SAMD7: variants seen among roughly 807,000 people sequenced by gnomAD.
SAMD7 encodes sterile alpha motif domain containing 7, also known as sterile alpha motif domain-containing protein 7.
Under a neutral mutation model 36.7 loss-of-function variants are expected in SAMD7, and 34 were observed. That is an observed-to-expected ratio of 0.93 (90% CI 0.71 to 1.23). The LOEUF is 1.23. Among genes scored for constraint, SAMD7 ranks in the 50% most tolerant of loss-of-function variants. The probability of loss-of-function intolerance (pLI) is 0.00; values close to 1 mark genes in which losing one functional copy is unlikely to be tolerated. For missense variants in SAMD7, 570 were observed against 546.6 expected, an observed-to-expected ratio of 1.04 and a Z score of -0.43; for synonymous variants, 188 against 189.7, an observed-to-expected ratio of 0.99 and a Z score of 0.07.
rs970928198 is a variant in SAMD7, at chr3:169,919,416, A to G, written c.-41-42A>G. The G allele has an allele frequency of 3.8e-6, 4 of 1,054,628 alleles. No homozygotes were observed. The African/African-American group carries it at 4.7e-5, about 12-fold the overall frequency. 65.3% of individuals were successfully genotyped at this position (1,054,628 alleles called of 1,614,324 possible). A position where few individuals can be genotyped will look rare whatever the true frequency, so the allele number is the denominator to read the frequency against. Reference sequence around the variant, plus strand: ...AAGAAGAATTCAAATAGTTCACAAAAAGTAGAGTTATTTGTTAAAGTGTCT... The same window carrying G: ...AAGAAGAATTCAAATAGTTCACAAAGAGTAGAGTTATTTGTTAAAGTGTCT... On this transcript the variant is annotated intron_variant, in intron 2 of 8. Transcript: ENST00000335556.
At chr3:169,930,622 C>G (rs1229699503) in intron 7 of SAMD7, among the ~76,000 whole-genome samples, 1 of 146,116 alleles carries the variant, frequency 6.8e-6, no homozygotes, top group African/African-American at 2.6e-5. Flanking sequence ...TGCTCTGTCG[C>G]CCAGGCTGGA....
intron 7 of SAMD7, chr3:169,932,667 T>C: frequency 1.8e-6 from 1 of 555,472 alleles, no homozygotes; most frequent in South Asian, 1.4e-5. Flanking sequence ...GAAAAATCTG[T>C]CACACTTTGG....
chr3:169,925,227 A>C, intron 5 of SAMD7, 91 bp downstream of exon 5: 1 of 765,870 alleles, frequency 1.3e-6, no homozygotes, highest in Middle Eastern at 3.4e-4. Context: ...GAATAGATGA[A>C]TATATATAAC....
intron 3 of SAMD7, 112 bp downstream of exon 3, chr3:169,919,696 C>T: frequency 1.1e-6 from 1 of 896,698 alleles, no homozygotes; most frequent in Non-Finnish European, 1.8e-6. Context: ...TTTCAGTGAA[C>T]TGTGGTGCAG....
intron 7 of SAMD7, among the ~76,000 whole-genome samples, chr3:169,936,040 C>G (rs1713701718): frequency 6.6e-6 from 1 of 152,180 alleles, no homozygotes; most frequent in South Asian, 2.1e-4. Flanking sequence ...ATGCCAGCCT[C>G]TGTATTAGGG....
At chr3:169,933,076 C>A in intron 7 of SAMD7, 1 of 904,512 alleles carries the variant, frequency 1.1e-6, no homozygotes, top group Non-Finnish European at 1.8e-6. Context: ...TTAAAATCTG[C>A]CATGGCCCAT....
At chr3:169,935,384 T>G (rs888413062) in intron 7 of SAMD7, among the ~76,000 whole-genome samples, 1 of 152,204 alleles carries the variant, frequency 6.6e-6, no homozygotes, top group Non-Finnish European at 1.5e-5. Flanking sequence ...AGATCGTCTT[T>G]AAATGGTGGA....
intron 5 of SAMD7, among the ~76,000 whole-genome samples, chr3:169,925,838 ATTGGC>A (rs1713235625): frequency 6.6e-6 from 1 of 152,192 alleles, no homozygotes. Context: ...TGAAATTCAT[ATTGGC>A]ATTACTGTCT....
At chr3:169,923,518 C>A (rs1472497724) in intron 4 of SAMD7, among the ~76,000 whole-genome samples, 1 of 152,126 alleles carries the variant, frequency 6.6e-6, no homozygotes, top group Admixed American at 6.5e-5. Flanking sequence ...CAAAGGCGGG[C>A]AGATCACGAG....
At chr3:169,938,285 GA>G (rs1713793576) in intron 8 of SAMD7, 32 bp from the exon 9 acceptor site, 10 of 1,451,896 alleles carry the variant, frequency 6.9e-6, no homozygotes, top group Non-Finnish European at 9.5e-6. Context: ...AAAATTCATA[GA>G]ATTGATTACT....
Position 169,934,016 on chromosome 3 carries a change from G to A in SAMD7, c.1042-2323G>A, listed in dbSNP as rs376715721. Among the ~76,000 whole-genome samples, 107 of 152,288 alleles carry A rather than the reference G, an allele frequency of 7.0e-4. 2 individuals carry two copies. The South Asian group carries it at 0.022, about 31-fold the overall frequency. ...AGCCAGAGAAAACTTTAATATGGTT[G>A]GGACTTTGAGAGTAGTTCCCAGTGC... On this transcript the variant is annotated intron_variant, in intron 7 of 8. Coordinates refer to ENST00000335556, the MANE Select transcript of SAMD7 (RefSeq NM_001304366.2).
At chr3:169,936,204 A>G in intron 7 of SAMD7, 135 bp from the exon 8 acceptor site, 1 of 604,056 alleles carries the variant, frequency 1.7e-6, no homozygotes. Context: ...AGCAACTAAA[A>G]AAAGGTTTTA....
chr3:169,924,970 G>A (rs892951626), intron 4 of SAMD7, 88 bp from the exon 5 acceptor site: 18 of 760,470 alleles, frequency 2.4e-5, no homozygotes, highest in Admixed American at 1.5e-4. Context: ...TTCAGATACT[G>A]TTTTACATTG....
Position 169,919,634 on chromosome 3 carries a change from A to G in SAMD7, c.86+50A>G, listed in dbSNP as rs1392387446. On this transcript the variant is annotated intron_variant, in intron 3 of 8. Transcript: ENST00000335556. ...TGATCAAAGAACAACATGGACAATCATTACGTTTTGGAATGATGTTAAGTC... is the reference window on the plus strand; with the variant it reads ...TGATCAAAGAACAACATGGACAATCGTTACGTTTTGGAATGATGTTAAGTC... The G allele has an allele frequency of 2.2e-6, 3 of 1,372,560 alleles. No individual in the cohort carries two copies. In the African/African-American group the frequency reaches 4.3e-5, roughly 20 times the overall value. 85.0% of individuals were successfully genotyped at this position (1,372,560 alleles called of 1,614,324 possible). A position where few individuals can be genotyped will look rare whatever the true frequency, so the allele number is the denominator to read the frequency against.
At chr3:169,934,048 G>A (rs1713619834) in intron 7 of SAMD7, among the ~76,000 whole-genome samples, 1 of 152,210 alleles carries the variant, frequency 6.6e-6, no homozygotes, top group African/African-American at 2.4e-5. Flanking sequence ...GTGCTACAGA[G>A]GGCCAGGGCC....
Position 169,921,232 on chromosome 3 carries a change from C to A in SAMD7, c.105C>A (p.Thr35=), listed in dbSNP as rs370713332. The A allele has an allele frequency of 1.9e-6, 3 of 1,613,862 alleles. No individual in the cohort carries two copies. Among genetic ancestry groups the A allele is most frequent in the Non-Finnish European group, 2.5e-6 (3 of 1,179,804 alleles). ...PTVDRDVLPS[T]VAPTDPRQFC... is the part of the protein sequence containing the mutation. ...TTCTCAGAGATGTATTGCCTTCCAC[C>A]GTAGCTCCAACTGACCCAAGACAGT... The change falls in exon 4 of 9, where the codon ACC becomes ACA. Residue 35 remains threonine, a synonymous_variant. Transcript: ENST00000335556.
At chr3:169,937,050 A>G (rs1356329928) in intron 8 of SAMD7, among the ~76,000 whole-genome samples, 1 of 152,224 alleles carries the variant, frequency 6.6e-6, no homozygotes, top group Non-Finnish European at 1.5e-5. Context: ...CTTTTGTTGT[A>G]CATAATTTAT....
chr3:169,925,554 G>A (rs1713224695), intron 5 of SAMD7, among the ~76,000 whole-genome samples: 3 of 151,968 alleles, frequency 2.0e-5, no homozygotes, highest in South Asian at 4.1e-4. Context: ...GTGAAACTCC[G>A]TCTCTACTAA....
intron 7 of SAMD7, chr3:169,932,918 C>A: frequency 3.1e-6 from 2 of 649,116 alleles, no homozygotes; most frequent in African/African-American, 1.8e-5. Flanking sequence ...CGCCAGTATG[C>A]TCATCCTTCT....
Sources: allele counts gnomAD v4.1 joint callset (sites outside exome capture counted in the v4.1 genomes callset), GRCh38; gene constraint gnomAD v4.1.1; transcripts MANE v1.5; gene names NCBI Gene and HGNC (gene_info 2026-07-23, HGNC 2026-07-21).